The following KIAA1217 variants were observed in gnomAD, a reference collection of about 807,000 sequenced individuals.
The protein encoded by KIAA1217 is KIAA1217.
KIAA1217 carries 88 observed loss-of-function variants against 163.9 expected under a neutral mutation model. The observed-to-expected ratio is 0.54, with a 90% CI of 0.45 to 0.64. The LOEUF is 0.64. Ranked by LOEUF, KIAA1217 falls within the 30% of genes least tolerant of loss-of-function variation. KIAA1217 has a pLI of 0.00. For synonymous variants in KIAA1217, 903 were observed against 923.1 expected, an observed-to-expected ratio of 0.98 and a Z score of 0.39; for missense variants, 2,372 against 2,475.0, an observed-to-expected ratio of 0.96 and a Z score of 0.88.
At chr10:23,779,337 C>T (rs1835151259) in intron 1 of KIAA1217, among the ~76,000 whole-genome samples, 1 of 152,174 alleles carries the variant, frequency 6.6e-6, no homozygotes, top group East Asian at 1.9e-4. Flanking sequence ...TCCTCCTTTT[C>T]TTTCTTCATC....
At chr10:23,832,286 T>C (rs1838243026) in intron 1 of KIAA1217, among the ~76,000 whole-genome samples, 1 of 152,164 alleles carries the variant, frequency 6.6e-6, no homozygotes, top group Non-Finnish European at 1.5e-5. Context: ...TTATAAAAGA[T>C]GCAGATACCT....
intron 1 of KIAA1217, among the ~76,000 whole-genome samples, chr10:23,998,806 A>T (rs1055395821): frequency 6.6e-6 from 1 of 152,226 alleles, no homozygotes; most frequent in East Asian, 1.9e-4. Flanking sequence ...CTGTGAGCAA[A>T]AACACAAGCA....
chr10:24,481,720 G>A (rs1311388301), intron 6 of KIAA1217: 3 of 152,158 alleles, frequency 2.0e-5, no homozygotes, highest in African/African-American at 7.2e-5. Context: ...GGGTCTGCTT[G>A]TACATAATTA....
At chr10:23,981,507 G>A (rs1393792481) in intron 1 of KIAA1217, among the ~76,000 whole-genome samples, 2 of 152,178 alleles carry the variant, frequency 1.3e-5, no homozygotes, top group East Asian at 3.8e-4. Flanking sequence ...GCAAGTCTTT[G>A]TCATGTCTAT....
At chr10:23,934,188 C>T (rs1014395866) in intron 1 of KIAA1217, among the ~76,000 whole-genome samples, 6 of 151,992 alleles carry the variant, frequency 3.9e-5, no homozygotes, top group Admixed American at 1.3e-4. Flanking sequence ...ACATGTACAC[C>T]GTGGAATACT....
At chr10:23,913,083 T>C (rs1589063249) in intron 1 of KIAA1217, among the ~76,000 whole-genome samples, 1 of 152,150 alleles carries the variant, frequency 6.6e-6, no homozygotes, top group Non-Finnish European at 1.5e-5. Flanking sequence ...AGAACAAAGG[T>C]CACCCTGCGG....
chr10:24,397,129 T>TTTTTA (rs2055883140), intron 3 of KIAA1217, among the ~76,000 whole-genome samples: 1 of 149,238 alleles, frequency 6.7e-6, no homozygotes. Flanking sequence ...TTTTTTTTTT[T>TTTTTA]GAGACGGAGT....
At chr10:23,899,427 G>A (rs1013637610) in intron 1 of KIAA1217, among the ~76,000 whole-genome samples, 3 of 152,138 alleles carry the variant, frequency 2.0e-5, no homozygotes, top group Admixed American at 1.3e-4. Context: ...TGAAGTTGGA[G>A]CATCTTTTTG....
chr10:24,032,232 T>C (rs2131540041), intron 2 of KIAA1217, among the ~76,000 whole-genome samples: 1 of 152,258 alleles, frequency 6.6e-6, no homozygotes, highest in East Asian at 1.9e-4. Context: ...GCCCATCTGA[T>C]TGCCTAAGTA....
intron 1 of KIAA1217, among the ~76,000 whole-genome samples, chr10:23,951,326 G>A (rs1844326275): frequency 6.6e-6 from 1 of 152,140 alleles, no homozygotes; most frequent in African/African-American, 2.4e-5. Flanking sequence ...CCTCATTTTA[G>A]TTATGAGAAA....
At chr10:24,222,715 G>A (rs2069828223) in intron 2 of KIAA1217, among the ~76,000 whole-genome samples, 1 of 152,120 alleles carries the variant, frequency 6.6e-6, no homozygotes, top group South Asian at 2.1e-4. Context: ...TTACCATGTT[G>A]GCCAGGCTGG....
chr10:24,357,881 C>T (rs2049328167), intron 2 of KIAA1217, among the ~76,000 whole-genome samples: 1 of 152,148 alleles, frequency 6.6e-6, no homozygotes, highest in African/African-American at 2.4e-5. Flanking sequence ...AGCAGGTTGG[C>T]TGGTGAGGCC....
rs1365989063 is a variant in KIAA1217, at chr10:24,528,068, A to G, written c.3031A>G (p.Thr1011Ala). The G allele has an allele frequency of 1.2e-6, 2 of 1,614,086 alleles. No individual in the cohort carries two copies. The highest frequency in any genetic ancestry group is 3.3e-5 in the Admixed American group (2 of 60,008). Residue 1011 changes from threonine (T) to alanine (A), a missense_variant, in exon 14 of 21, where the codon ACA (threonine) becomes GCA (alanine). Physicochemically the swap from Thr to Ala is moderately conservative, Grantham distance 58 (BLOSUM62 0). This residue lies in a region of KIAA1217 where 1,431 missense variants were observed against 1,470.3 expected (regional missense o/e 0.97). Coordinates refer to ENST00000376454, the MANE Select transcript of KIAA1217 (RefSeq NM_019590.5). ...ACCAAATCTGGAGATGCCGCCAGCC[A>G]CAGGCCCACTGCCAAGGGGAGATGC... ...SIPNLEMPPA[T>A]GPLPRGDAPV...
At position 23,783,263 on chromosome 10, in the gene KIAA1217, G is replaced by A. The variant is rs143980370; in HGVS notation, c.-321+88029G>A. Among the ~76,000 whole-genome samples the A allele has an allele frequency of 6.2e-4, 94 of 152,270 alleles. 2 individuals carry two copies. Among genetic ancestry groups the A allele is most frequent in the Admixed American group, 1.7e-3 (26 of 15,292 alleles). On this transcript the variant is annotated intron_variant, in intron 1 of 18. Coordinates refer to the KIAA1217 transcript ENST00000376462. ...AACTTTGCGTTGGGCCACATTTAAA[G>A]CTATCCTGGCCTGCATGTGGCCCAT...
chr10:23,700,208 G>A (rs1426160949), intron 1 of KIAA1217, among the ~76,000 whole-genome samples: 1 of 151,998 alleles, frequency 6.6e-6, no homozygotes, highest in Non-Finnish European at 1.5e-5. Flanking sequence ...CAAAAACCTC[G>A]GAGTCATCCT....
intron 2 of KIAA1217, among the ~76,000 whole-genome samples, chr10:24,066,767 A>C (rs1443992287): frequency 6.6e-6 from 1 of 152,116 alleles, no homozygotes; most frequent in Admixed American, 6.6e-5. Flanking sequence ...CTCCCCGTCA[A>C]TTTCAGGTAC....
At chr10:23,799,389 A>G (rs1836366192) in intron 1 of KIAA1217, among the ~76,000 whole-genome samples, 1 of 152,206 alleles carries the variant, frequency 6.6e-6, no homozygotes, top group Admixed American at 6.5e-5. Context: ...AATGTTTATG[A>G]AAGCACTTCA....
At chr10:24,257,803 A>G (rs1444945823) in intron 2 of KIAA1217, among the ~76,000 whole-genome samples, 1 of 152,138 alleles carries the variant, frequency 6.6e-6, no homozygotes, top group Non-Finnish European at 1.5e-5. Flanking sequence ...GCAGAGGGAC[A>G]GTGACAAGGC....
chr10:24,069,750 G>A (rs1157043232), intron 2 of KIAA1217, among the ~76,000 whole-genome samples: 1 of 152,204 alleles, frequency 6.6e-6, no homozygotes, highest in East Asian at 1.9e-4. Flanking sequence ...ATGTATCCAT[G>A]AAGCTAAGAA....
Sources: gnomAD v4.1 joint callset for allele counts (sites outside exome capture counted in the v4.1 genomes callset) on GRCh38, gnomAD v4.1.1 for gene constraint, gnomAD v4.1.1 regional missense constraint, MANE v1.5 for transcripts, NCBI Gene and HGNC (gene_info 2026-07-23, HGNC 2026-07-21) for gene names.